The following HELZ variants were observed in gnomAD, a reference collection of about 807,000 sequenced individuals.
HELZ encodes the protein ATP-dependent RNA helicase with zinc finger domain.
A neutral mutation model predicts 218.2 loss-of-function variants in HELZ; 23 were observed. The observed-to-expected ratio is 0.11, with a 90% confidence interval of 0.08 to 0.15. HELZ has a LOEUF of 0.15. Ranked by LOEUF, HELZ falls within the 10% of genes least tolerant of loss-of-function variation. The pLI is 1.00. For synonymous variants in HELZ, 814 were observed against 829.4 expected (o/e 0.98, Z 0.32); for missense variants, 1,813 against 2,353.7 (o/e 0.77, Z 4.75).
chr17:67,154,883 A>G (rs1431545479), intron 17 of HELZ, among the ~76,000 whole-genome samples: 1 of 152,218 alleles, frequency 6.6e-6, no homozygotes, highest in African/African-American at 2.4e-5. Context: ...TGGATGCATC[A>G]AAGTTAATCA....
At position 67,155,388 on chromosome 17, in the gene HELZ, G is replaced by T. The variant is rs568677161; in HGVS notation, c.2178-4164C>A. On this transcript the variant is annotated intron_variant, in intron 17 of 32. Transcript: ENST00000358691. ...AGAGCTGTAACAATGAAGACTTGTT[G>T]TGGCAGGTATTTACAGGGTTACTTA... Among the ~76,000 whole-genome samples the T allele has an allele frequency of 2.0e-5, 3 of 152,306 alleles. No individual in the cohort carries two copies. The South Asian group carries it at 6.2e-4, about 32-fold the overall frequency.
chr17:67,220,639 T>C (rs1050440491), intron 3 of HELZ, among the ~76,000 whole-genome samples: 1 of 151,998 alleles, frequency 6.6e-6, no homozygotes, highest in Non-Finnish European at 1.5e-5. Flanking sequence ...TGCACCACCA[T>C]GTCCCGCTAA....
chr17:67,078,884 T>C (rs1387564971), intron 32 of HELZ, among the ~76,000 whole-genome samples: 1 of 152,278 alleles, frequency 6.6e-6, no homozygotes, highest in Non-Finnish European at 1.5e-5. Context: ...CTGTACACTT[T>C]GATATTTATT....
intron 32 of HELZ, among the ~76,000 whole-genome samples, chr17:67,084,601 T>G (rs2036300529): frequency 6.7e-6 from 1 of 149,678 alleles, no homozygotes; most frequent in Non-Finnish European, 1.5e-5. Flanking sequence ...AGGCGGAGCT[T>G]GCAGTGAGCC....
chr17:67,190,068 A>T, intron 10 of HELZ, 89 bp downstream of exon 10: 1 of 1,122,854 alleles, frequency 8.9e-7, no homozygotes, highest in Non-Finnish European at 1.3e-6. Flanking sequence ...GAAGATAAGG[A>T]AATAAACCAA....
intron 2 of HELZ, among the ~76,000 whole-genome samples, chr17:67,241,823 C>T (rs1367669556): frequency 6.6e-6 from 1 of 152,220 alleles, no homozygotes; most frequent in African/African-American, 2.4e-5. Flanking sequence ...AGCTCAGAGA[C>T]ACAGACTTCT....
chr17:67,148,496 C>G, intron 20 of HELZ, 73 bp downstream of exon 20: 1 of 1,247,248 alleles, frequency 8.0e-7, no homozygotes, highest in Non-Finnish European at 1.1e-6. Context: ...TCCCTAGCAG[C>G]AGTGCTGTTT....
rs2041449684 is a variant in HELZ, at chr17:67,245,180, C to T, written c.-164G>A. On this transcript the variant is annotated 5_prime_UTR_variant, in exon 1 of 33. The change creates a new upstream start codon in the 5' untranslated region. Coordinates refer to ENST00000358691, the MANE Select transcript of HELZ (RefSeq NM_014877.4). ...TACTTTCTACGCCATCTTGGATCCA[C>T]TTGTCAACGTCCCCACAAAGCATTA... 1.0e-6 allele frequency: 1 copy of T among 985,206 alleles called. No homozygotes were observed. 61.0% of individuals were successfully genotyped at this position (985,206 alleles called of 1,614,324 possible). A position where few individuals can be genotyped will look rare whatever the true frequency, so the allele number is the denominator to read the frequency against.
intron 20 of HELZ, among the ~76,000 whole-genome samples, chr17:67,147,746 A>G (rs559199870): frequency 6.6e-6 from 1 of 152,134 alleles, no homozygotes. Flanking sequence ...GTCCTCCCAA[A>G]GTGATTGTGG....
Position 67,203,322 on chromosome 17 carries a change from G to C in HELZ, c.369C>G (p.Ser123=), listed in dbSNP as rs754520446. The C allele has an allele frequency of 3.7e-6, 6 of 1,613,676 alleles. No homozygotes were observed. Among genetic ancestry groups the C allele is most frequent in the Non-Finnish European group, 5.1e-6 (6 of 1,179,874 alleles). The part of the protein sequence containing the change: ...TILAKSLTGE[S]LNGMVTKDLT... ...AAATTAGAGCTTATCAACATACCAG[G>C]GACTCTCCTGTGAGTGACTTGGCAA... Residue 123 remains serine (S), a synonymous_variant, in exon 6 of 33, where the codon TCC becomes TCG. Coordinates refer to ENST00000358691, the MANE Select transcript of HELZ (RefSeq NM_014877.4).
intron 7 of HELZ, among the ~76,000 whole-genome samples, chr17:67,195,814 G>A (rs1236057592): frequency 1.5e-5 from 2 of 134,762 alleles, no homozygotes; most frequent in Admixed American, 7.5e-5. Flanking sequence ...CCTAGAAAAT[G>A]TCTGATTACA....
chr17:67,089,877 C>T (rs1255792513), intron 31 of HELZ, among the ~76,000 whole-genome samples: 1 of 151,636 alleles, frequency 6.6e-6, no homozygotes, highest in East Asian at 1.9e-4. Context: ...GAGACAGCTT[C>T]ATTTCTTCCC....
At position 67,207,211 on chromosome 17, in the gene HELZ, C is replaced by CTT. The variant is rs61019173; in HGVS notation, c.248-3770_248-3769dup. Among the ~76,000 whole-genome samples the CTT allele has an allele frequency of 6.1e-4, 46 of 75,562 alleles. 3 individuals are homozygous for CTT. The highest frequency in any genetic ancestry group is 1.8e-3 in the African/African-American group (25 of 13,754). The allele number at this position is 75,562 out of a possible 152,430, so 49.6% of individuals were successfully genotyped here. On this transcript the variant is annotated intron_variant, in intron 5 of 32. Coordinates refer to ENST00000358691, the MANE Select transcript of HELZ (RefSeq NM_014877.4). ...ACAGGCATGAGCCACCACGCCCGGC[C>CTT]TTTTTTTTTTTTTTTTTTTTTTTTT...
intron 7 of HELZ, among the ~76,000 whole-genome samples, chr17:67,199,655 T>C (rs1274832102): frequency 1.3e-5 from 2 of 152,036 alleles, no homozygotes; most frequent in African/African-American, 4.8e-5. Flanking sequence ...ACAAAGAAAA[T>C]GAAATTTAGA....
intron 31 of HELZ, among the ~76,000 whole-genome samples, chr17:67,090,897 T>C (rs2036556543): frequency 6.6e-6 from 1 of 152,110 alleles, no homozygotes; most frequent in Admixed American, 6.5e-5. Context: ...ATCTTTGAAA[T>C]TCCCTTCCCT....
At chr17:67,199,210 C>CCT (rs1406513900) in intron 7 of HELZ, among the ~76,000 whole-genome samples, 1 of 122,982 alleles carries the variant, frequency 8.1e-6, no homozygotes, top group African/African-American at 3.0e-5. Context: ...TTTGCCATTA[C>CCT]TTTTTTTTTT....
intron 31 of HELZ, among the ~76,000 whole-genome samples, chr17:67,089,649 A>T (rs1463586664): frequency 1.6e-4 from 6 of 36,968 alleles, no homozygotes; most frequent in Admixed American, 6.9e-4. Context: ...TGGAGATTTT[A>T]TATATATATA....
chr17:67,220,293 C>G (rs912421016), intron 3 of HELZ, among the ~76,000 whole-genome samples: 2 of 152,206 alleles, frequency 1.3e-5, no homozygotes, highest in Non-Finnish European at 2.9e-5. Flanking sequence ...TGACAGACAT[C>G]TGAAGAGGTC....
chr17:67,101,330 A>G (rs1267030284), intron 31 of HELZ, among the ~76,000 whole-genome samples: 1 of 152,020 alleles, frequency 6.6e-6, no homozygotes, highest in Non-Finnish European at 1.5e-5. Context: ...TTTTAGTAGT[A>G]AAACCACAGA....
Sources: allele counts gnomAD v4.1 joint callset (sites outside exome capture counted in the v4.1 genomes callset), GRCh38; gene constraint gnomAD v4.1.1; transcripts MANE v1.5; gene names NCBI Gene and HGNC (gene_info 2026-07-23, HGNC 2026-07-21).